The following HACD4 variants were observed in gnomAD, a reference collection of about 807,000 sequenced individuals.
HACD4 encodes the protein 3-hydroxyacyl-CoA dehydratase 4, also known as very-long-chain (3R)-3-hydroxyacyl-CoA dehydratase 4.
Under a neutral mutation model 33.3 loss-of-function variants are expected in HACD4, and 35 were observed. That is an observed-to-expected ratio of 1.05 (90% CI 0.80 to 1.39). The LOEUF (loss-of-function observed/expected upper bound fraction) is 1.39. Ranked by LOEUF, HACD4 falls within the 40% of genes most tolerant of loss-of-function variation. The pLI, the probability that HACD4 is intolerant of heterozygous loss-of-function variation, is 0.00. For synonymous variants in HACD4, 118 were observed against 98.0 expected (o/e 1.20, Z -1.21); for missense variants, 323 against 276.5 (o/e 1.17, Z -1.19).
chr9:21,028,028 AG>A (rs1818107406), intron 2 of HACD4, among the ~76,000 whole-genome samples: 1 of 150,898 alleles, frequency 6.6e-6, no homozygotes, highest in Admixed American at 6.6e-5. Context: ...CCAGCTACTC[AG>A]GGAACTGAGG....
rs1467427684 is a variant in HACD4, at chr9:21,015,896, A to T, written c.383+2T>A. The T allele has an allele frequency of 6.3e-7, 1 of 1,596,288 alleles. No individual in the cohort carries two copies. The highest frequency in any genetic ancestry group is 8.6e-7 in the Non-Finnish European group (1 of 1,164,428). On this transcript the variant is annotated splice_donor_variant, in intron 4 of 6. Coordinates refer to ENST00000495827, the MANE Select transcript of HACD4 (RefSeq NM_001010915.5). LOFTEE classifies it high-confidence loss of function. Reference sequence around the variant, plus strand: ...TTTTAAGAGATTATTTTGCCTTCTTACCTAACCATATCCAATAGATTCCAA... The same window carrying T: ...TTTTAAGAGATTATTTTGCCTTCTTTCCTAACCATATCCAATAGATTCCAA...
chr9:21,029,421 T>C (rs1400526608), intron 1 of HACD4, 23 bp from the exon 2 acceptor site: 1 of 1,358,044 alleles, frequency 7.4e-7, no homozygotes, highest in Admixed American at 1.9e-5. Context: ...GAAAATACCA[T>C]TAAACACTTC....
intron 3 of HACD4, among the ~76,000 whole-genome samples, chr9:21,021,115 C>G (rs1459111221): frequency 6.6e-6 from 1 of 152,110 alleles, no homozygotes; most frequent in Admixed American, 6.5e-5. Flanking sequence ...TAAACAGAAC[C>G]AAAGACAAAA....
rs1190918099 is a variant in HACD4 at position 21,001,891 on chromosome 9, A to T, written c.*5146T>A. 1 of 152,152 alleles carries T rather than the reference A, an allele frequency of 6.6e-6. No homozygotes were observed. The highest frequency in any genetic ancestry group is 1.5e-5 in the Non-Finnish European group (1 of 68,000). The allele number at this position is 152,152 out of a possible 1,614,324, so 9.4% of individuals were successfully genotyped here. On this transcript the variant is annotated 3_prime_UTR_variant, in exon 7 of 7. Transcript: ENST00000495827. ...TGCTAATAGGGGTCCTGCAAGTTGA[A>T]ATGGAAAGACACTAAACAGCAACTC...
intron 3 of HACD4, among the ~76,000 whole-genome samples, chr9:21,016,815 T>G (rs1842567000): frequency 6.6e-6 from 1 of 151,294 alleles, no homozygotes; most frequent in Non-Finnish European, 1.5e-5. Context: ...AGGGGAGTAA[T>G]ATAATCCTAA....
chr9:21,030,803 G>A (rs1818193592), intron 1 of HACD4, among the ~76,000 whole-genome samples: 2 of 152,196 alleles, frequency 1.3e-5, no homozygotes, highest in Admixed American at 1.3e-4. Context: ...AATGTGTTGT[G>A]AGTTGCTGGG....
Position 21,002,239 on chromosome 9 carries a change from G to GA in HACD4, c.*4797dup, listed in dbSNP as rs1395731635. On this transcript the variant is annotated 3_prime_UTR_variant, in exon 7 of 7. Coordinates refer to ENST00000495827, the MANE Select transcript of HACD4 (RefSeq NM_001010915.5). ...TACAGAATATACACAAAAGAACTGAGAAAGATACTTAAATGCTTCACTATA... is the reference window on the plus strand; with the variant it reads ...TACAGAATATACACAAAAGAACTGAGAAAAGATACTTAAATGCTTCACTATA... 2 of 151,978 alleles carry GA rather than the reference G, an allele frequency of 1.3e-5. No homozygotes were observed. Among genetic ancestry groups the GA allele is most frequent in the African/African-American group, 4.8e-5 (2 of 41,396 alleles). 9.4% of individuals were successfully genotyped at this position (151,978 alleles called of 1,614,324 possible).
chr9:21,015,431 A>T (rs925080353), intron 4 of HACD4: 1 of 153,414 alleles, frequency 6.5e-6, no homozygotes, highest in African/African-American at 2.4e-5. Flanking sequence ...AAAGGACTTA[A>T]GTTAGTCATT....
chr9:21,014,822 T>C (rs1842518183), intron 4 of HACD4, among the ~76,000 whole-genome samples: 1 of 152,222 alleles, frequency 6.6e-6, no homozygotes, highest in South Asian at 2.1e-4. Context: ...CTTCTACCTC[T>C]ATGTCCAAAA....
At chr9:21,029,178 T>C (rs1190531312) in intron 2 of HACD4, 117 bp downstream of exon 2, 2 of 624,568 alleles carry the variant, frequency 3.2e-6, no homozygotes, top group Non-Finnish European at 5.6e-6. Context: ...TGCTAAAAAA[T>C]ACAAATTTTA....
At chr9:21,030,779 A>C (rs919651677) in intron 1 of HACD4, among the ~76,000 whole-genome samples, 2 of 152,238 alleles carry the variant, frequency 1.3e-5, no homozygotes, top group East Asian at 3.8e-4. Context: ...GAGGGAAGTC[A>C]AGCTGGGTTT....
In HACD4 at chr9:21,031,542, G is replaced by C. The variant is rs759211853; in HGVS notation, c.38+11C>G. 7.5e-6 allele frequency: 11 copies of C among 1,463,864 alleles called. No homozygotes were observed. Among genetic ancestry groups the C allele is most frequent in the African/African-American group, 1.5e-5 (1 of 67,826 alleles). 90.7% of individuals were successfully genotyped at this position (1,463,864 alleles called of 1,614,324 possible). On this transcript the variant is annotated intron_variant, in intron 1 of 6. Coordinates refer to ENST00000495827, the MANE Select transcript of HACD4 (RefSeq NM_001010915.5). ...CGCCCCCTCCCCTCGGGATTCGGCC[G>C]AGCGCCCTACCTGGGCTGCAGCCAG... is the stretch of plus-strand genomic sequence containing the variant.
At chr9:21,026,455 T>C (rs1587840201) in intron 3 of HACD4, 141 bp downstream of exon 3, 2 of 682,338 alleles carry the variant, frequency 2.9e-6, no homozygotes, top group East Asian at 5.2e-5. Context: ...AATAAGGTTG[T>C]CCTTCCATGA....
At chr9:21,028,687 G>C (rs933292301) in intron 2 of HACD4, among the ~76,000 whole-genome samples, 1 of 152,188 alleles carries the variant, frequency 6.6e-6, no homozygotes, top group African/African-American at 2.4e-5. Context: ...AACATGAAGA[G>C]AATGTTATTT....
chr9:21,030,166 C>T (rs7875765), intron 1 of HACD4, among the ~76,000 whole-genome samples: 89,016 of 151,136 alleles, frequency 0.59, 26,987 homozygotes, highest in South Asian at 0.7. Context: ...ACAGGCTGGG[C>T]GCGGTGGCTC....
intron 3 of HACD4, among the ~76,000 whole-genome samples, chr9:21,025,059 A>C (rs1049033806): frequency 6.6e-6 from 1 of 152,164 alleles, no homozygotes; most frequent in Non-Finnish European, 1.5e-5. Flanking sequence ...GTTGGGACAG[A>C]TCTGTATCCC....
intron 3 of HACD4, among the ~76,000 whole-genome samples, chr9:21,024,107 T>G (rs1225107458): frequency 1.3e-5 from 2 of 152,242 alleles, no homozygotes; most frequent in African/African-American, 4.8e-5. Flanking sequence ...TGCATAATTC[T>G]AATATAGGAA....
chr9:21,007,309 A>G (rs964875794), intron 6 of HACD4, among the ~76,000 whole-genome samples, 190 bp from the exon 7 acceptor site: 1 of 152,126 alleles, frequency 6.6e-6, no homozygotes, highest in Non-Finnish European at 1.5e-5. Context: ...AAACTCTTCC[A>G]TCCTACTTTT....
At chr9:21,031,430 G>C (rs897438679) in intron 1 of HACD4, 123 bp downstream of exon 1, 15 of 1,334,226 alleles carry the variant, frequency 1.1e-5, no homozygotes, top group Admixed American at 4.2e-5. Context: ...GCCTGGGCAC[G>C]GTAGCGCTGC....
Sources: allele counts gnomAD v4.1 joint callset (sites outside exome capture counted in the v4.1 genomes callset), GRCh38; gene constraint gnomAD v4.1.1; transcripts MANE v1.5; gene names NCBI Gene and HGNC (gene_info 2026-07-23, HGNC 2026-07-21).